The following DDHD2 variants were observed in gnomAD, a reference collection of about 807,000 sequenced individuals.
DDHD2 encodes the protein triacylglycerol hydrolase DDHD2.
DDHD2 carries 62 observed loss-of-function variants against 91.2 expected under a neutral mutation model. The observed-to-expected ratio is 0.68, with a 90% CI of 0.55 to 0.84. DDHD2 has a LOEUF of 0.84. Ranked by LOEUF, DDHD2 falls within the 40% of genes least tolerant of loss-of-function variation. The pLI is 0.00. For missense variants in DDHD2, 740 were observed against 846.9 expected (o/e 0.87, Z 1.57); for synonymous variants, 271 against 293.9 (o/e 0.92, Z 0.80).
intron 9 of DDHD2, 93 bp from the exon 10 acceptor site, chr8:38,247,620 G>T: frequency 2.6e-6 from 2 of 762,882 alleles, no homozygotes; most frequent in Non-Finnish European, 3.9e-6. Flanking sequence ...AAGATACATT[G>T]CTGTGGAAAT....
In DDHD2 at chr8:38,234,534, A is replaced by G. The variant is rs1454498058; in HGVS notation, c.361A>G (p.Lys121Glu). 6.8e-6 allele frequency: 11 copies of G among 1,612,952 alleles called. No individual in the cohort carries two copies. The highest frequency in any genetic ancestry group is 1.3e-5 in the African/African-American group (1 of 74,886). The change falls in exon 3 of 18, where the codon AAA (lysine) becomes GAA (glutamate). Residue 121 changes from lysine (K) to glutamate (E), a missense_variant. This residue lies in a region of DDHD2 where 693 missense variants were observed against 764.2 expected (regional missense o/e 0.91). Coordinates refer to ENST00000397166, the MANE Select transcript of DDHD2 (RefSeq NM_015214.3). ...RRCTWFYKGD[K>E]DNKYVPYSES... ...ATGTACGTGGTTTTACAAGGGGGAC[A>G]AAGACAATAAGTATGTTCCCTACTC...
intron 9 of DDHD2, among the ~76,000 whole-genome samples, chr8:38,246,579 T>C (rs780710048): frequency 3.9e-5 from 6 of 152,254 alleles, no homozygotes; most frequent in Middle Eastern, 3.2e-3. Flanking sequence ...CGGTGGCTCA[T>C]GCCTGTAATC....
chr8:38,233,209 G>T lies in DDHD2; in HGVS notation c.215G>T (p.Ser72Ile). The T allele has an allele frequency of 1.2e-6, 2 of 1,610,024 alleles. No individual in the cohort carries two copies. Among genetic ancestry groups the T allele is most frequent in the Non-Finnish European group, 1.7e-6 (2 of 1,176,864 alleles). ...EDSQQLEEAY[S>I]SGKGCNGRVV... ...TCACAGCAGCTGGAAGAGGCATATA[G>T]CTCTGGTAGGTGAAAATTATGACTT... Residue 72 changes from serine (S) to isoleucine (I), a missense_variant, in exon 2 of 18, where the codon AGC (serine) becomes ATC (isoleucine). By Grantham distance (142) the Ser-to-Ile change is moderately radical. Transcript: ENST00000397166.
intron 12 of DDHD2, 48 bp from the exon 13 acceptor site, chr8:38,252,084 T>A: frequency 6.2e-7 from 1 of 1,612,680 alleles, no homozygotes; most frequent in Non-Finnish European, 8.5e-7. Flanking sequence ...TAGAAACAGA[T>A]GTAACTTTTG....
downstream of DDHD2, chr8:38,265,751 C>T (rs1342653887): frequency 2.5e-5 from 4 of 157,534 alleles, no homozygotes; most frequent in East Asian, 5.6e-4. Flanking sequence ...ATTTTACTTA[C>T]TATAGCATTC....
chr8:38,267,779 CAG>C, downstream of DDHD2: 4 of 1,072,394 alleles, frequency 3.7e-6, no homozygotes, highest in Non-Finnish European at 5.5e-6. Context: ...AAAGAAAAAT[CAG>C]AGTGAAGATA....
chr8:38,267,200 T>C, downstream of DDHD2: 1 of 1,613,288 alleles, frequency 6.2e-7, no homozygotes, highest in Non-Finnish European at 8.5e-7. Flanking sequence ...CCATCCCTAC[T>C]AGCTTTCTAG....
At position 38,262,113 on chromosome 8, in the gene DDHD2, C is replaced by T. The variant is rs553463157; in HGVS notation, c.*1540C>T. ...GTCAGGCCTGGCCTTTCTTTGTCAT[C>T]TGCTTATAGTCTAGTGCTAAGTATG... is the stretch of plus-strand genomic sequence containing the variant. On this transcript the variant is annotated 3_prime_UTR_variant, in exon 18 of 18. Transcript: ENST00000397166. The T allele has an allele frequency of 2.6e-5, 4 of 152,234 alleles. No homozygotes were observed. The East Asian group carries it at 7.7e-4, about 29-fold the overall frequency. 9.4% of individuals were successfully genotyped at this position (152,234 alleles called of 1,614,324 possible).
intron 16 of DDHD2, among the ~76,000 whole-genome samples, chr8:38,256,576 G>GC (rs1182263468): frequency 1.3e-5 from 2 of 152,070 alleles, no homozygotes; most frequent in Non-Finnish European, 2.9e-5. Context: ...TCTTGCTTTG[G>GC]CCCCCCAAGC....
Position 38,252,283 on chromosome 8 carries a change from A to G in DDHD2, c.1613A>G (p.His538Arg). ...TGCAAAGGTTTCTTCAATATTTATCACCCTGTAAGCATTGTACAGCTATTG... is the reference window on the plus strand; with the variant it reads ...TGCAAAGGTTTCTTCAATATTTATCGCCCTGTAAGCATTGTACAGCTATTG... ...PTCKGFFNIYHPFDPVAYRIE... is the reference protein window; with the variant it reads ...PTCKGFFNIYRPFDPVAYRIE... The change falls in exon 13 of 18, where the codon CAC becomes CGC. Residue 538 changes from histidine to arginine, a missense_variant. This residue lies in a region of DDHD2 where 693 missense variants were observed against 764.2 expected (regional missense o/e 0.91). Coordinates refer to ENST00000397166, the MANE Select transcript of DDHD2 (RefSeq NM_015214.3). 1 of 1,612,568 alleles carries G rather than the reference A, an allele frequency of 6.2e-7. No individual in the cohort carries two copies. The highest frequency in any genetic ancestry group is 8.5e-7 in the Non-Finnish European group (1 of 1,179,440).
chr8:38,237,273 G>A (rs1286967709), intron 3 of DDHD2, among the ~76,000 whole-genome samples: 1 of 152,112 alleles, frequency 6.6e-6, no homozygotes, highest in Non-Finnish European at 1.5e-5. Context: ...CTACTTGGGA[G>A]ACTGAGGCAA....
At position 38,251,912 on chromosome 8, in the gene DDHD2, G is replaced by T. The variant is rs199730711; in HGVS notation, c.1345G>T (p.Gly449Cys). The T allele has an allele frequency of 1.8e-4, 284 of 1,610,132 alleles. No homozygotes were observed. The highest frequency in any genetic ancestry group is 3.0e-4 in the Admixed American group (18 of 59,938). The change falls in exon 12 of 18, where the codon GGT becomes TGT. Residue 449 changes from glycine to cysteine, a missense_variant and splice_region_variant. Coordinates refer to ENST00000397166, the MANE Select transcript of DDHD2 (RefSeq NM_015214.3). ...NYFSTRKNSMGIKRPAPQPAS... is the reference protein window; with the variant it reads ...NYFSTRKNSMCIKRPAPQPAS... ...CACATAACTATTTTTTATTCTTTAG[G>T]GTATTAAGAGACCAGCCCCGCAGCC...
Position 38,233,216 on chromosome 8 carries a change from T to C in DDHD2, c.220+2T>C. On this transcript the variant is annotated splice_donor_variant, in intron 2 of 17. Coordinates refer to ENST00000397166, the MANE Select transcript of DDHD2 (RefSeq NM_015214.3). LOFTEE classifies it high-confidence loss of function. ...AGCTGGAAGAGGCATATAGCTCTGG[T>C]AGGTGAAAATTATGACTTGGAATAG... 1.9e-6 allele frequency: 3 copies of C among 1,607,128 alleles called. No homozygotes were observed. The highest frequency in any genetic ancestry group is 2.6e-6 in the Non-Finnish European group (3 of 1,174,308).
chr8:38,233,297 T>C, intron 2 of DDHD2, 83 bp downstream of exon 2: 1 of 1,110,948 alleles, frequency 9.0e-7, no homozygotes, highest in Non-Finnish European at 1.3e-6. Context: ...GTGAGTGCTA[T>C]GAAAACCAAA....
chr8:38,258,473 G>A (rs972761989), intron 16 of DDHD2, among the ~76,000 whole-genome samples: 1 of 152,004 alleles, frequency 6.6e-6, no homozygotes, highest in African/African-American at 2.4e-5. Flanking sequence ...GGCTGGTCTC[G>A]AACGCCTGAC....
chr8:38,258,249 T>C (rs542844639), intron 16 of DDHD2, among the ~76,000 whole-genome samples: 1 of 152,076 alleles, frequency 6.6e-6, no homozygotes, highest in Admixed American at 6.5e-5. Context: ...TTAAATTAAT[T>C]AAATTCTTTT....
rs909707807 is a variant in DDHD2, at chr8:38,234,007, GTCTTT to G, written c.221-382_221-378del. Among the ~76,000 whole-genome samples the G allele has an allele frequency of 1.6e-4, 24 of 151,772 alleles. 1 individual carries two copies. Among genetic ancestry groups the G allele is most frequent in the African/African-American group, 5.1e-4 (21 of 41,434 alleles). On this transcript the variant is annotated intron_variant, in intron 2 of 17. Coordinates refer to ENST00000397166, the MANE Select transcript of DDHD2 (RefSeq NM_015214.3). ...GAATGAACTCTCTAACTTGTCACTT[GTCTTT>G]TCTTCTTTTATAAAACAAGAATGAT... is the stretch of plus-strand genomic sequence containing the variant.
intron 8 of DDHD2, 51 bp downstream of exon 8, chr8:38,246,001 C>T: frequency 6.6e-7 from 1 of 1,526,638 alleles, no homozygotes. Flanking sequence ...ATTTTAAAGA[C>T]ACCTGTTTTT....
At chr8:38,264,117 G>C, downstream of DDHD2, 2 of 1,006,912 alleles carry the variant, frequency 2.0e-6, no homozygotes, top group Non-Finnish European at 2.4e-6. Flanking sequence ...GGTTAGGAGG[G>C]CTAGTTCACC....
Sources: allele counts gnomAD v4.1 joint callset (sites outside exome capture counted in the v4.1 genomes callset), GRCh38; gene constraint gnomAD v4.1.1; regional missense constraint gnomAD v4.1.1; transcripts MANE v1.5; gene names NCBI Gene and HGNC (gene_info 2026-07-23, HGNC 2026-07-21).